The following ZNF804A variants were observed in gnomAD, a reference collection of about 807,000 sequenced individuals.
The protein encoded by ZNF804A is zinc finger protein 804A.
A neutral mutation model predicts 16.5 loss-of-function variants in ZNF804A; 2 were observed. The ratio of observed to expected loss-of-function variants is 0.12; its 90% CI spans 0.05 to 0.38. The LOEUF is 0.38. Among genes scored for constraint, ZNF804A ranks in the 10% least tolerant of loss-of-function variants. The pLI is 0.99. For synonymous variants in ZNF804A, 534 were observed against 489.6 expected (o/e 1.09, Z -1.20); for missense variants, 1,473 against 1,390.7 (o/e 1.06, Z -0.94).
chr2:184,823,410 T>A (rs1297944732), intron 1 of ZNF804A, among the ~76,000 whole-genome samples: 2 of 152,176 alleles, frequency 1.3e-5, no homozygotes, highest in Non-Finnish European at 2.9e-5. Context: ...ATAGAAGTTC[T>A]CTGATCACAG....
chr2:184,883,993 G>C (rs1377482116), intron 2 of ZNF804A, among the ~76,000 whole-genome samples: 1 of 152,012 alleles, frequency 6.6e-6, no homozygotes, highest in Non-Finnish European at 1.5e-5. Flanking sequence ...AAGGCATCTG[G>C]ATAGCAAAAG....
intron 1 of ZNF804A, among the ~76,000 whole-genome samples, chr2:184,764,211 T>A (rs537208312): frequency 3.9e-5 from 6 of 152,234 alleles, no homozygotes; most frequent in African/African-American, 1.4e-4. Flanking sequence ...ATTCATTTTT[T>A]TTTTCTGGTC....
At chr2:184,723,523 A>T (rs923222006) in intron 1 of ZNF804A, among the ~76,000 whole-genome samples, 1 of 151,788 alleles carries the variant, frequency 6.6e-6, no homozygotes, top group Non-Finnish European at 1.5e-5. Context: ...ACTGAAGCTG[A>T]TTTTCCTGCA....
chr2:184,725,704 G>T (rs1693398482), intron 1 of ZNF804A, among the ~76,000 whole-genome samples: 1 of 151,382 alleles, frequency 6.6e-6, no homozygotes, highest in South Asian at 2.1e-4. Context: ...AGGTAAATTT[G>T]TGTAACTACC....
At chr2:184,773,426 C>T (rs1231990778) in intron 1 of ZNF804A, among the ~76,000 whole-genome samples, 1 of 151,872 alleles carries the variant, frequency 6.6e-6, no homozygotes, top group Non-Finnish European at 1.5e-5. Context: ...GAGAACAAAC[C>T]TGCTAACAAT....
intron 2 of ZNF804A, chr2:184,902,583 A>C (rs193284177): frequency 1.3e-5 from 2 of 152,130 alleles, no homozygotes; most frequent in African/African-American, 4.8e-5. Flanking sequence ...TGAAAAGGGT[A>C]CTATTAAATC....
intron 1 of ZNF804A, among the ~76,000 whole-genome samples, chr2:184,816,096 C>T (rs1031537816): frequency 2.6e-5 from 4 of 151,994 alleles, no homozygotes; most frequent in South Asian, 2.1e-4. Flanking sequence ...TGCTGATTCT[C>T]GTTTCCCTCA....
chr2:184,688,015 A>T (rs1240700513), intron 1 of ZNF804A, among the ~76,000 whole-genome samples: 6 of 152,156 alleles, frequency 3.9e-5, no homozygotes, highest in Non-Finnish European at 8.8e-5. Flanking sequence ...GCTACCCAGG[A>T]GGCTGAGACA....
At chr2:184,841,717 T>C (rs963887453) in intron 1 of ZNF804A, among the ~76,000 whole-genome samples, 2 of 152,192 alleles carry the variant, frequency 1.3e-5, no homozygotes, top group South Asian at 4.1e-4. Context: ...ATTTACATTT[T>C]AAAAAATACT....
intron 1 of ZNF804A, among the ~76,000 whole-genome samples, chr2:184,722,099 G>A (rs554800687): frequency 6.6e-6 from 1 of 151,926 alleles, no homozygotes; most frequent in Non-Finnish European, 1.5e-5. Context: ...GTGGGTGCGC[G>A]TGTGTATGGG....
At chr2:184,675,209 T>A (rs972542193) in intron 1 of ZNF804A, among the ~76,000 whole-genome samples, 2 of 151,816 alleles carry the variant, frequency 1.3e-5, no homozygotes, top group African/African-American at 2.4e-5. Context: ...CACACACACA[T>A]ATATATTAGG....
intron 1 of ZNF804A, among the ~76,000 whole-genome samples, chr2:184,864,548 A>G (rs886678802): frequency 6.6e-6 from 1 of 152,210 alleles, no homozygotes; most frequent in Non-Finnish European, 1.5e-5. Context: ...TAAGCTATGT[A>G]TTATGGCAAA....
intron 1 of ZNF804A, among the ~76,000 whole-genome samples, chr2:184,663,565 G>C (rs1390737646): frequency 6.6e-6 from 1 of 152,136 alleles, no homozygotes; most frequent in Non-Finnish European, 1.5e-5. Context: ...GGTGGAAAGA[G>C]GTGGGTTCCT....
At chr2:184,661,741 G>T (rs1692178887) in intron 1 of ZNF804A, among the ~76,000 whole-genome samples, 2 of 152,102 alleles carry the variant, frequency 1.3e-5, no homozygotes, top group Admixed American at 1.3e-4. Context: ...ACTGTCTTTG[G>T]CATGAAGATG....
intron 1 of ZNF804A, among the ~76,000 whole-genome samples, chr2:184,693,515 G>A (rs927551696): frequency 6.6e-5 from 10 of 152,116 alleles, no homozygotes; most frequent in Non-Finnish European, 1.5e-4. Flanking sequence ...TTCAAAATAA[G>A]TATTCATATA....
intron 1 of ZNF804A, among the ~76,000 whole-genome samples, chr2:184,711,014 T>G (rs747946630): frequency 1.1e-4 from 16 of 151,968 alleles, no homozygotes; most frequent in Middle Eastern, 3.4e-3. Flanking sequence ...ATTTTGGATA[T>G]ATATCCAGAA....
At chr2:184,712,327 T>A (rs1481040192) in intron 1 of ZNF804A, among the ~76,000 whole-genome samples, 1 of 151,784 alleles carries the variant, frequency 6.6e-6, no homozygotes, top group Non-Finnish European at 1.5e-5. Flanking sequence ...TGCAATTTTT[T>A]TATTTCATCC....
intron 2 of ZNF804A, among the ~76,000 whole-genome samples, chr2:184,920,395 G>C (rs1685512193): frequency 6.6e-6 from 1 of 152,150 alleles, no homozygotes; most frequent in Admixed American, 6.5e-5. Flanking sequence ...TGATCTCTCT[G>C]TCTGGAGAGT....
chr2:184,770,267 C>CACCCA (rs1694190281), intron 1 of ZNF804A, among the ~76,000 whole-genome samples: 1 of 152,020 alleles, frequency 6.6e-6, no homozygotes, highest in Non-Finnish European at 1.5e-5. Flanking sequence ...ACTTAGAATT[C>CACCCA]ACCCACTTTT....
Sources: gnomAD v4.1 joint callset for allele counts (sites outside exome capture counted in the v4.1 genomes callset) on GRCh38, gnomAD v4.1.1 for gene constraint, MANE v1.5 for transcripts, NCBI Gene and HGNC (gene_info 2026-07-23, HGNC 2026-07-21) for gene names.